The following PTPRM variants were observed in gnomAD, a reference collection of about 807,000 sequenced individuals.
The protein encoded by PTPRM is receptor-type tyrosine-protein phosphatase mu.
In PTPRM, 47 loss-of-function variants were observed where a neutral mutation model predicts 186.7. That is an observed-to-expected ratio of 0.25 (90% CI 0.20 to 0.32). The LOEUF is 0.32. PTPRM is among the 10% of genes least tolerant of loss of function. PTPRM has a pLI of 1.00. For missense variants in PTPRM, 1,494 were observed against 1,865.0 expected (o/e 0.80, Z 3.66); for synonymous variants, 668 against 674.9 (o/e 0.99, Z 0.16).
intron 14 of PTPRM, among the ~76,000 whole-genome samples, chr18:8,190,781 GATAGTTGTAATTCAGAGA>G (rs2093699642): frequency 1.3e-5 from 2 of 152,152 alleles, no homozygotes; most frequent in South Asian, 4.1e-4. Flanking sequence ...ATTGAGTGAA[GATAGTTGTAATTCAGAGA>G]ATATATGTGG....
intron 19 of PTPRM, among the ~76,000 whole-genome samples, chr18:8,280,816 A>G (rs746600242): frequency 2.4e-4 from 36 of 152,224 alleles, no homozygotes; most frequent in Admixed American, 6.5e-4. Context: ...CGCAACCAGC[A>G]CCCTGCACCT....
chr18:7,773,827 G>A (rs927695058), intron 1 of PTPRM, among the ~76,000 whole-genome samples: 2 of 152,106 alleles, frequency 1.3e-5, no homozygotes, highest in African/African-American at 2.4e-5. Context: ...CGATCTGGCC[G>A]CCTCAGCCTC....
chr18:8,384,565 G>A lies in PTPRM; in HGVS notation c.3923G>A (p.Cys1308Tyr). 6.2e-7 allele frequency: 1 copy of A among 1,614,022 alleles called. No homozygotes were observed. Among genetic ancestry groups the A allele is most frequent in the South Asian group, 1.1e-5 (1 of 91,056 alleles). ...GTTTATATGTTTTGAATTCAGTTGT[G>A]TCCACAGTACTGGCCAGAAAACGGA... ...MLNDVDPAQL[C>Y]PQYWPENGVH... Residue 1308 changes from cysteine (C) to tyrosine (Y), a missense_variant, in exon 30 of 33, where the codon TGT becomes TAT. Around this residue, in one of 3 missense-constraint regions of PTPRM, gnomAD observed 1,107 missense variants for 1,350.2 expected, o/e 0.82. Coordinates refer to ENST00000580170, the MANE Select transcript of PTPRM (RefSeq NM_001105244.2).
intron 14 of PTPRM, among the ~76,000 whole-genome samples, chr18:8,193,800 G>A (rs1265938259): frequency 2.0e-5 from 3 of 152,230 alleles, no homozygotes; most frequent in Admixed American, 1.3e-4. Context: ...CAGGCACAGT[G>A]GCTGTAGGGA....
At chr18:7,861,649 T>C (rs928957097) in intron 2 of PTPRM, among the ~76,000 whole-genome samples, 1 of 152,210 alleles carries the variant, frequency 6.6e-6, no homozygotes, top group East Asian at 1.9e-4. Context: ...TGGTTCGTTT[T>C]GGTGGGGTCA....
At chr18:8,207,306 C>T (rs2093945104) in intron 14 of PTPRM, among the ~76,000 whole-genome samples, 1 of 152,170 alleles carries the variant, frequency 6.6e-6, no homozygotes, top group South Asian at 2.1e-4. Context: ...TTATAGCTTG[C>T]ACCACTACTC....
intron 1 of PTPRM, among the ~76,000 whole-genome samples, chr18:7,654,358 A>G (rs1269580791): frequency 6.6e-6 from 1 of 152,102 alleles, no homozygotes; most frequent in African/African-American, 2.4e-5. Context: ...TTTGTGTGAA[A>G]AATTAGACCT....
intron 1 of PTPRM, among the ~76,000 whole-genome samples, chr18:7,764,617 C>T (rs183813146): frequency 1.3e-5 from 2 of 152,264 alleles, no homozygotes; most frequent in African/African-American, 4.8e-5. Flanking sequence ...GCTGCCGGGC[C>T]CAACCCCCAG....
chr18:7,618,288 G>T (rs780388846), intron 1 of PTPRM, among the ~76,000 whole-genome samples: 6 of 152,128 alleles, frequency 3.9e-5, no homozygotes, highest in Non-Finnish European at 8.8e-5. Context: ...GCTTAGAAAG[G>T]TGTTGTAATC....
At chr18:8,225,244 C>A (rs1374853793) in intron 14 of PTPRM, among the ~76,000 whole-genome samples, 3 of 152,064 alleles carry the variant, frequency 2.0e-5, no homozygotes, top group Admixed American at 6.6e-5. Flanking sequence ...TGAGTTGGTG[C>A]CTTAGGATTT....
intron 2 of PTPRM, among the ~76,000 whole-genome samples, chr18:7,822,837 G>A (rs537370463): frequency 1.2e-4 from 19 of 152,214 alleles, no homozygotes; most frequent in African/African-American, 2.6e-4. Context: ...ATTCTTGGCC[G>A]TCCTCTCTTG....
chr18:7,773,653 T>C (rs567584946), intron 1 of PTPRM, among the ~76,000 whole-genome samples: 1 of 151,728 alleles, frequency 6.6e-6, no homozygotes, highest in African/African-American at 2.4e-5. Flanking sequence ...TGGCATGATC[T>C]CGGCTCACTG....
At chr18:8,177,729 G>A (rs1280041096) in intron 14 of PTPRM, among the ~76,000 whole-genome samples, 1 of 152,196 alleles carries the variant, frequency 6.6e-6, no homozygotes, top group Admixed American at 6.5e-5. Flanking sequence ...TTTGGAGCAG[G>A]GAGGAAAGTA....
rs1379911785 is a variant in PTPRM at position 7,632,228 on chromosome 18, T to C, written c.73+64337T>C. Among the ~76,000 whole-genome samples the C allele has an allele frequency of 2.6e-5, 4 of 152,320 alleles. No homozygotes were observed. The East Asian group carries it at 7.7e-4, about 29-fold the overall frequency. ...ACCTATGATGAGAACCAGACCATGG[T>C]GTTTTTCTGGATCAATGGCTGTGCT... On this transcript the variant is annotated intron_variant, in intron 1 of 32. Coordinates refer to ENST00000580170, the MANE Select transcript of PTPRM (RefSeq NM_001105244.2).
At chr18:7,978,686 A>C (rs1244349248) in intron 7 of PTPRM, among the ~76,000 whole-genome samples, 4 of 152,186 alleles carry the variant, frequency 2.6e-5, no homozygotes, top group African/African-American at 9.7e-5. Context: ...CATAACTCTT[A>C]TTCTATACTT....
intron 32 of PTPRM, among the ~76,000 whole-genome samples, chr18:8,398,896 G>C (rs181939278): frequency 5.3e-5 from 8 of 152,100 alleles, no homozygotes; most frequent in Non-Finnish European, 7.4e-5. Flanking sequence ...GCTGAGGGCT[G>C]GGGGAGGGAG....
At chr18:7,739,488 T>A (rs2040844156) in intron 1 of PTPRM, among the ~76,000 whole-genome samples, 1 of 152,240 alleles carries the variant, frequency 6.6e-6, no homozygotes, top group Non-Finnish European at 1.5e-5. Context: ...CACATTTGTT[T>A]AAAAATGTAT....
intron 7 of PTPRM, among the ~76,000 whole-genome samples, chr18:8,068,900 C>G (rs1477171454): frequency 6.6e-6 from 1 of 151,984 alleles, no homozygotes; most frequent in African/African-American, 2.4e-5. Flanking sequence ...GAGATCAAGA[C>G]CATCCTGACT....
intron 5 of PTPRM, among the ~76,000 whole-genome samples, chr18:7,928,735 C>G (rs2051315855): frequency 6.6e-6 from 1 of 152,202 alleles, no homozygotes; most frequent in Non-Finnish European, 1.5e-5. Flanking sequence ...CTCGCCTTAA[C>G]AGAGTCATCT....
Sources: gnomAD v4.1 joint callset for allele counts (sites outside exome capture counted in the v4.1 genomes callset) on GRCh38, gnomAD v4.1.1 for gene constraint, gnomAD v4.1.1 regional missense constraint, MANE v1.5 for transcripts, NCBI Gene and HGNC (gene_info 2026-07-23, HGNC 2026-07-21) for gene names.